Variants in ZNF454 observed in about 807,000 individuals in gnomAD.
The protein encoded by ZNF454 is zinc finger protein 454.
In ZNF454, 30 loss-of-function variants were observed where a neutral mutation model predicts 48.2. That is an observed-to-expected ratio of 0.62 (90% CI 0.47 to 0.84). ZNF454 has a LOEUF of 0.84. ZNF454 is among the 40% of genes least tolerant of loss of function. The pLI, the probability that ZNF454 is intolerant of heterozygous loss-of-function variation, is 0.00. For missense variants in ZNF454, 510 were observed against 623.1 expected, an observed-to-expected ratio of 0.82 and a Z score of 1.93; for synonymous variants, 204 against 211.4, an observed-to-expected ratio of 0.97 and a Z score of 0.30.
the ZNF454 span, among the ~76,000 whole-genome samples, chr5:178,972,461 A>C: frequency 2.0e-5 from 3 of 152,030 alleles, no homozygotes; most frequent in Non-Finnish European, 2.9e-5. Flanking sequence ...CACCTAATGG[A>C]CAAGTCGGTG....
At chr5:178,980,453 A>G in the ZNF454 span, 1 of 154,330 alleles carries the variant, frequency 6.5e-6, no homozygotes, top group Non-Finnish European at 1.5e-5. The surrounding 1 kb of genome is among the most constrained non-coding windows in gnomAD (Gnocchi z 4.3). Flanking sequence ...GTCCTGAGCC[A>G]TCCACTTGGG....
the ZNF454 span, chr5:178,986,666 T>C: frequency 6.2e-7 from 1 of 1,602,926 alleles, no homozygotes; most frequent in Non-Finnish European, 8.5e-7. Context: ...CCCTTCACCA[T>C]CTTCTTCCGC....
chr5:178,957,418 A>AT lies in ZNF454; in HGVS notation c.251-7229dup, dbSNP rs58552115. On this transcript the variant is annotated intron_variant, in intron 4 of 4. Transcript: ENST00000519564. ...TTATTTTTATTTTTTATTTTATTTT[A>AT]TTTTTTTTGGGGACGAAGTCTTACT... Among the ~76,000 whole-genome samples, 1,396 of 150,382 alleles carry AT rather than the reference A, an allele frequency of 9.3e-3. 73 individuals are homozygous for AT. In the East Asian group the frequency reaches 0.13, roughly 14 times the overall value.
downstream of ZNF454, chr5:178,968,730 T>C (rs773751501): frequency 6.6e-6 from 3 of 456,560 alleles, no homozygotes; most frequent in Middle Eastern, 3.3e-4. Flanking sequence ...CCCCCTTACC[T>C]TGAATCCCTG....
downstream of ZNF454, among the ~76,000 whole-genome samples, chr5:178,966,600 G>C (rs1388986294): frequency 6.6e-6 from 1 of 151,988 alleles, no homozygotes; most frequent in Non-Finnish European, 1.5e-5. Flanking sequence ...GACTATTAGA[G>C]AAACTGAAAT....
chr5:178,971,768 A>G, the ZNF454 span, among the ~76,000 whole-genome samples: 1 of 149,072 alleles, frequency 6.7e-6, no homozygotes, highest in Non-Finnish European at 1.5e-5. Context: ...AGGCAGGAGA[A>G]TGGTGTGAAC....
At chr5:178,989,897 C>T in the ZNF454 span, 3 of 235,084 alleles carry the variant, frequency 1.3e-5, no homozygotes, top group South Asian at 1.9e-4. Flanking sequence ...CACTCACTGC[C>T]CCATGCCTAA....
the ZNF454 span, chr5:178,979,139 G>A: frequency 0.012 from 1,786 of 152,330 alleles, 13 homozygotes; most frequent in Non-Finnish European, 0.019. Flanking sequence ...CTACTCAGGA[G>A]GCTGAAGCGG....
the ZNF454 span, chr5:178,985,476 G>A: frequency 1.2e-4 from 42 of 341,860 alleles, no homozygotes; most frequent in Non-Finnish European, 1.9e-4. Context: ...GGCCGAGGTG[G>A]GCGGATCACG....
chr5:178,954,135 G>A (rs1199050328), intron 4 of ZNF454, among the ~76,000 whole-genome samples: 3 of 152,108 alleles, frequency 2.0e-5, no homozygotes, highest in South Asian at 2.1e-4. Context: ...GTGGGAGCCT[G>A]TAATCCCAGC....
chr5:178,946,564 G>A lies in ZNF454; in HGVS notation c.160+79G>A. 6.6e-7 allele frequency: 1 copy of A among 1,513,206 alleles called. No homozygotes were observed. The allele number at this position is 1,513,206 out of a possible 1,614,324, so 93.7% of individuals were successfully genotyped here. A position where few individuals can be genotyped will look rare whatever the true frequency, so the allele number is the denominator to read the frequency against. ...CCTTACATTGACACCATATAGAAGA[G>A]TCGGTTGGACCAACTGAGGACGCTG... On this transcript the variant is annotated intron_variant, in intron 3 of 4. Coordinates refer to ENST00000519564, the MANE Select transcript of ZNF454 (RefSeq NM_001178089.3). The surrounding 1 kb of genome is among the most constrained non-coding windows in gnomAD (Gnocchi z 4.5).
Position 178,952,692 on chromosome 5 carries a change from T to C in ZNF454, c.250+5706T>C, listed in dbSNP as rs768716232. Among the ~76,000 whole-genome samples, 34 of 152,216 alleles carry C rather than the reference T, an allele frequency of 2.2e-4. 1 individual carries two copies. Among genetic ancestry groups the C allele is most frequent in the Admixed American group, 1.6e-3 (24 of 15,290 alleles). ...TTGTTTGCTCTTGTATCTTGGGCAA[T>C]ACTAGGTCTCAGTATGTATTTGTTG... On this transcript the variant is annotated intron_variant, in intron 4 of 4. Coordinates refer to ENST00000519564, the MANE Select transcript of ZNF454 (RefSeq NM_001178089.3).
At chr5:178,954,190 A>T (rs1759662427) in intron 4 of ZNF454, among the ~76,000 whole-genome samples, 1 of 152,176 alleles carries the variant, frequency 6.6e-6, no homozygotes, top group South Asian at 2.1e-4. Context: ...CCCAGGAGGC[A>T]GTGGTTGCAG....
intron 4 of ZNF454, among the ~76,000 whole-genome samples, chr5:178,952,251 A>T (rs1759589512): frequency 6.6e-6 from 1 of 151,992 alleles, no homozygotes; most frequent in South Asian, 2.1e-4. Flanking sequence ...TTTAGCCGGG[A>T]TGGTCTCGAT....
At chr5:178,982,712 A>T in the ZNF454 span, 2 of 541,238 alleles carry the variant, frequency 3.7e-6, no homozygotes, top group Admixed American at 3.3e-5. Context: ...AAAGAAAAAA[A>T]GAAGAGTGGA....
chr5:178,986,383 C>T, the ZNF454 span: 101 of 1,613,894 alleles, frequency 6.3e-5, no homozygotes, highest in Non-Finnish European at 8.2e-5. Flanking sequence ...GAGGACGTAG[C>T]TGAGCTCTCG....
At chr5:178,949,996 G>A (rs1386176084) in intron 4 of ZNF454, among the ~76,000 whole-genome samples, 2 of 152,054 alleles carry the variant, frequency 1.3e-5, no homozygotes, top group Non-Finnish European at 2.9e-5. Context: ...ATTGGATCTA[G>A]TAATTTTCCA....
At chr5:178,983,285 CAG>C in the ZNF454 span, 1 of 1,421,566 alleles carries the variant, frequency 7.0e-7, no homozygotes, top group Non-Finnish European at 9.8e-7. Context: ...CCAGCCCTGA[CAG>C]AGGCCCCTGC....
rs1759229828 is a variant in ZNF454, at chr5:178,944,308, T to C, written c.33+1484T>C. Among the ~76,000 whole-genome samples the C allele has an allele frequency of 6.6e-6, 1 of 152,200 alleles. No individual in the cohort carries two copies. The highest frequency in any genetic ancestry group is 6.5e-5 in the Admixed American group (1 of 15,280). ...TGCACCACTTTTTCTGCAAAACCTG[T>C]CCGCACCCACAGTGCCAGTCTACTG... On this transcript the variant is annotated intron_variant, in intron 2 of 4. Coordinates refer to ENST00000519564, the MANE Select transcript of ZNF454 (RefSeq NM_001178089.3). This position sits in a 1 kb window ranked among gnomAD's most constrained non-coding sequence, Gnocchi z 4.1.
Sources: allele counts gnomAD v4.1 joint callset (sites outside exome capture counted in the v4.1 genomes callset), GRCh38; gene constraint gnomAD v4.1.1; non-coding constraint Gnocchi (gnomAD v3.1); transcripts MANE v1.5; gene names NCBI Gene and HGNC (gene_info 2026-07-23, HGNC 2026-07-21).